Variants in PTPRG observed in about 807,000 individuals in gnomAD.
PTPRG encodes the protein receptor-type tyrosine-protein phosphatase gamma.
A neutral mutation model predicts 165.3 loss-of-function variants in PTPRG; 102 were observed. The observed-to-expected ratio is 0.62, with a 90% CI of 0.53 to 0.73. The LOEUF (loss-of-function observed/expected upper bound fraction) is 0.73. Among genes scored for constraint, PTPRG ranks in the 30% least tolerant of loss-of-function variants. The pLI, the probability that PTPRG is intolerant of heterozygous loss-of-function variation, is 0.00. For synonymous variants in PTPRG, 675 were observed against 669.5 expected (o/e 1.01, Z -0.13); for missense variants, 1,866 against 1,861.4 (o/e 1.00, Z -0.05).
In PTPRG at chr3:62,228,669, G is replaced by T. The variant is rs979097379; in HGVS notation, c.2289-2556G>T. Among the ~76,000 whole-genome samples the T allele has an allele frequency of 1.3e-5, 2 of 152,184 alleles. No individual in the cohort carries two copies. Among genetic ancestry groups the T allele is most frequent in the Non-Finnish European group, 2.9e-5 (2 of 68,036 alleles). On this transcript the variant is annotated intron_variant, in intron 13 of 29. Coordinates refer to ENST00000474889, the MANE Select transcript of PTPRG (RefSeq NM_002841.4). This position sits in a 1 kb window ranked among gnomAD's most constrained non-coding sequence, Gnocchi z 4.1. Reference sequence around the variant, plus strand: ...CCAAACTGCCCTTCCTTTATGCAAAGCAAAGTCCACTGTTAACGGGTAGAA... The same window carrying T: ...CCAAACTGCCCTTCCTTTATGCAAATCAAAGTCCACTGTTAACGGGTAGAA...
intron 5 of PTPRG, among the ~76,000 whole-genome samples, chr3:62,095,422 G>A (rs925195589): frequency 6.6e-6 from 1 of 152,172 alleles, no homozygotes; most frequent in Non-Finnish European, 1.5e-5. Context: ...AGGAGATCAC[G>A]TACCATCCTG....
intron 2 of PTPRG, 113 bp from the exon 3 acceptor site, chr3:61,989,512 C>A: frequency 1.0e-6 from 1 of 991,014 alleles, no homozygotes; most frequent in Non-Finnish European, 1.5e-6. Flanking sequence ...AGTACATTCA[C>A]CTCTTTGGAT....
chr3:61,602,178 G>A (rs1382919163), intron 1 of PTPRG, among the ~76,000 whole-genome samples: 2 of 151,494 alleles, frequency 1.3e-5, no homozygotes, highest in East Asian at 3.9e-4. Context: ...TTTAATTTCT[G>A]TGGGTACTTC....
chr3:61,780,519 A>C (rs1308538444), intron 2 of PTPRG, among the ~76,000 whole-genome samples: 1 of 152,114 alleles, frequency 6.6e-6, no homozygotes, highest in African/African-American at 2.4e-5. Context: ...AAAATTGGGG[A>C]TTTTAATTTA....
At chr3:61,718,602 C>G (rs927515811) in intron 1 of PTPRG, among the ~76,000 whole-genome samples, 2 of 152,148 alleles carry the variant, frequency 1.3e-5, no homozygotes, top group Non-Finnish European at 2.9e-5. Flanking sequence ...TGCTTTGAAA[C>G]AAAATCAGGA....
chr3:62,148,486 G>T (rs1180300575), intron 6 of PTPRG, among the ~76,000 whole-genome samples: 1 of 152,198 alleles, frequency 6.6e-6, no homozygotes, highest in East Asian at 1.9e-4. Flanking sequence ...GAGGCTGGGC[G>T]TGGGTGCCCA....
At chr3:61,667,935 A>C (rs1702854969) in intron 1 of PTPRG, among the ~76,000 whole-genome samples, 2 of 152,228 alleles carry the variant, frequency 1.3e-5, no homozygotes, top group South Asian at 4.1e-4. Flanking sequence ...TTTTGTAAAT[A>C]AAGTTTTATT....
rs763490978 is a variant in PTPRG, at chr3:62,245,461, G to GT, written c.2467+1564dup. Among the ~76,000 whole-genome samples the GT allele has an allele frequency of 4.6e-5, 7 of 152,140 alleles. No individual in the cohort carries two copies. Among genetic ancestry groups the GT allele is most frequent in the Non-Finnish European group, 1.0e-4 (7 of 68,030 alleles). On this transcript the variant is annotated intron_variant, in intron 15 of 29. Coordinates refer to ENST00000474889, the MANE Select transcript of PTPRG (RefSeq NM_002841.4). This position sits in a 1 kb window ranked among gnomAD's most constrained non-coding sequence, Gnocchi z 4.2. ...ACAGACTCAGTTGTTTGGTAGCTGT[G>GT]TAACTGAAATCCATTTTTGAAGAGT... is the stretch of plus-strand genomic sequence containing the variant.
Position 61,562,091 on chromosome 3 carries a change from G to T in PTPRG, c.-197G>T, listed in dbSNP as rs1033520340. ...TCCCCAGCGTGGCTCTGCGTTCCCGGTCACTTTTTGAGATTTTCCGGGGGG... is the reference window on the plus strand; with the variant it reads ...TCCCCAGCGTGGCTCTGCGTTCCCGTTCACTTTTTGAGATTTTCCGGGGGG... On this transcript the variant is annotated 5_prime_UTR_variant, in exon 1 of 30. Coordinates refer to ENST00000474889, the MANE Select transcript of PTPRG (RefSeq NM_002841.4). The T allele has an allele frequency of 5.1e-6, 3 of 589,120 alleles. No individual in the cohort carries two copies. The highest frequency in any genetic ancestry group is 9.0e-6 in the Non-Finnish European group (3 of 331,688). 36.5% of individuals were successfully genotyped at this position (589,120 alleles called of 1,614,324 possible).
intron 5 of PTPRG, among the ~76,000 whole-genome samples, chr3:62,097,294 T>TA (rs1454786656): frequency 1.3e-5 from 2 of 152,308 alleles, no homozygotes; most frequent in South Asian, 2.1e-4. Flanking sequence ...TGACTCCTAT[T>TA]AAATGCAGTT....
intron 2 of PTPRG, among the ~76,000 whole-genome samples, chr3:61,879,818 C>T (rs985922063): frequency 2.6e-5 from 4 of 152,118 alleles, no homozygotes; most frequent in Non-Finnish European, 5.9e-5. Context: ...GGGTTTATAT[C>T]CTTCTACTAT....
rs527833495 is a variant in PTPRG, at chr3:61,606,466, A to C, written c.85+44094A>C. Among the ~76,000 whole-genome samples, 14 of 152,326 alleles carry C rather than the reference A, an allele frequency of 9.2e-5. 1 individual carries two copies. The South Asian group carries it at 2.7e-3, about 29-fold the overall frequency. On this transcript the variant is annotated intron_variant, in intron 1 of 29. Transcript: ENST00000474889. ...TAAAGTCAGCTGATCAGGGCCATTG[A>C]TATACATCTGCAATATCCCTAACTC...
intron 2 of PTPRG, among the ~76,000 whole-genome samples, chr3:61,830,822 C>T (rs1164589382): frequency 2.0e-5 from 3 of 152,180 alleles, no homozygotes; most frequent in Non-Finnish European, 4.4e-5. Flanking sequence ...GATCCACCTG[C>T]CTCGGCCTTC....
intron 5 of PTPRG, among the ~76,000 whole-genome samples, chr3:62,079,251 C>T (rs11715438): frequency 0.16 from 23,825 of 152,096 alleles, 2,095 homozygotes; most frequent in South Asian, 0.26. Context: ...ACATTTCTCC[C>T]TTTTCTCAAG....
chr3:61,881,125 A>C (rs2037877859), intron 2 of PTPRG, among the ~76,000 whole-genome samples: 1 of 152,128 alleles, frequency 6.6e-6, no homozygotes, highest in Non-Finnish European at 1.5e-5. Flanking sequence ...ATCAAATTTA[A>C]CATCATATAC....
chr3:61,926,705 C>A (rs1479836799), intron 2 of PTPRG, among the ~76,000 whole-genome samples: 1 of 150,588 alleles, frequency 6.6e-6, no homozygotes, highest in Non-Finnish European at 1.5e-5. Flanking sequence ...AGCCTTGACT[C>A]CCATTCATAT....
intron 1 of PTPRG, among the ~76,000 whole-genome samples, chr3:61,699,048 A>G (rs550406942): frequency 5.9e-5 from 9 of 152,256 alleles, no homozygotes; most frequent in Admixed American, 2.0e-4. Flanking sequence ...GAGGGATAGC[A>G]TTAGGAGATA....
intron 2 of PTPRG, among the ~76,000 whole-genome samples, chr3:61,901,719 A>G (rs2038503298): frequency 1.3e-5 from 2 of 152,204 alleles, no homozygotes; most frequent in South Asian, 2.1e-4. Context: ...AGATAAGCCA[A>G]TTTGCCAACT....
intron 4 of PTPRG, among the ~76,000 whole-genome samples, chr3:62,018,141 C>T (rs1174878638): frequency 1.3e-5 from 2 of 152,134 alleles, no homozygotes; most frequent in African/African-American, 2.4e-5. Context: ...TCATAGTGAA[C>T]AAGACAAGCA....
Sources: allele counts gnomAD v4.1 joint callset (sites outside exome capture counted in the v4.1 genomes callset), GRCh38; gene constraint gnomAD v4.1.1; non-coding constraint Gnocchi (gnomAD v3.1); transcripts MANE v1.5; gene names NCBI Gene and HGNC (gene_info 2026-07-23, HGNC 2026-07-21).